The following BDNF variants were observed in gnomAD, a reference collection of about 807,000 sequenced individuals.
BDNF encodes brain derived neurotrophic factor, also known as neurotrophic factor BDNF precursor form.
Under a neutral mutation model 19.5 loss-of-function variants are expected in BDNF, and 1 was observed. That is an observed-to-expected ratio of 0.05 (90% confidence interval 0.02 to 0.24). BDNF has a LOEUF of 0.24. Ranked by LOEUF, BDNF falls within the 10% of genes least tolerant of loss-of-function variation. BDNF has a pLI of 1.00. For synonymous variants in BDNF, 100 were observed against 121.6 expected, an observed-to-expected ratio of 0.82 and a Z score of 1.17; for missense variants, 195 against 317.6, an observed-to-expected ratio of 0.61 and a Z score of 2.93.
At chr11:27,670,162 G>A (rs1212994500) in intron 1 of BDNF, among the ~76,000 whole-genome samples, 1 of 152,158 alleles carries the variant, frequency 6.6e-6, no homozygotes, top group Non-Finnish European at 1.5e-5. Flanking sequence ...ATGGGGAAAG[G>A]ATTCTCTATT....
rs1392493578 is a variant in BDNF at position 27,656,698 on chromosome 11, A to G, written c.*1123T>C. On this transcript the variant is annotated 3_prime_UTR_variant, in exon 2 of 2. Coordinates refer to ENST00000356660, the MANE Select transcript of BDNF (RefSeq NM_001709.5). Reference sequence around the variant, plus strand: ...GGGCTCTACCTTTTGCTTACAAGACATTGTTAAGCCTCACCATGAGTTTTT... The same window carrying G: ...GGGCTCTACCTTTTGCTTACAAGACGTTGTTAAGCCTCACCATGAGTTTTT... 7.1e-6 allele frequency: 7 copies of G among 985,332 alleles called. No individual in the cohort carries two copies. The highest frequency in any genetic ancestry group is 8.4e-6 in the Non-Finnish European group (7 of 829,906). The allele number at this position is 985,332 out of a possible 1,614,324, so 61.0% of individuals were successfully genotyped here.
intron 1 of BDNF, among the ~76,000 whole-genome samples, chr11:27,685,375 G>A (rs1273915029): frequency 6.6e-6 from 1 of 151,848 alleles, no homozygotes; most frequent in Non-Finnish European, 1.5e-5. Flanking sequence ...TTTTTTGAAG[G>A]GTTTTTTGTG....
At chr11:27,674,662 A>G (rs554000315) in intron 1 of BDNF, 1 of 985,460 alleles carries the variant, frequency 1.0e-6, no homozygotes, top group East Asian at 1.1e-4. Context: ...ATATGGAAAC[A>G]TTCAATTTGG....
chr11:27,710,372 A>G (rs1412155730), intron 1 of BDNF, among the ~76,000 whole-genome samples: 1 of 152,222 alleles, frequency 6.6e-6, no homozygotes, highest in Non-Finnish European at 1.5e-5. Context: ...CCAAGTAGAT[A>G]TGCTACTCCC....
chr11:27,713,931 T>C (rs1435773145), intron 1 of BDNF, among the ~76,000 whole-genome samples: 1 of 152,222 alleles, frequency 6.6e-6, no homozygotes, highest in African/African-American at 2.4e-5. Context: ...GACACTAGAC[T>C]TTAAAGATTT....
At position 27,657,246 on chromosome 11, in the gene BDNF, AC is replaced by A. The variant is rs1852690019; in HGVS notation, c.*574del. ...GGGAACTAAAAAACAAAACAAACAA[AC>A]GAAAAAAAAACACAAAACAAACAAA... On this transcript the variant is annotated 3_prime_UTR_variant, in exon 2 of 2. Transcript: ENST00000356660. This position sits in a 1 kb window ranked among gnomAD's most constrained non-coding sequence, Gnocchi z 5.0. The A allele has an allele frequency of 1.0e-6, 1 of 985,170 alleles. No homozygotes were observed. Among genetic ancestry groups the A allele is most frequent in the African/African-American group, 1.8e-5 (1 of 56,906 alleles). The allele number at this position is 985,170 out of a possible 1,614,324, so 61.0% of individuals were successfully genotyped here. A position where few individuals can be genotyped will look rare whatever the true frequency, so the allele number is the denominator to read the frequency against.
At chr11:27,695,124 A>C (rs1858836658) in intron 1 of BDNF, among the ~76,000 whole-genome samples, 1 of 152,168 alleles carries the variant, frequency 6.6e-6, no homozygotes, top group South Asian at 2.1e-4. Flanking sequence ...AATCCTAGTA[A>C]CTGTAGCGTT....
At chr11:27,720,951 C>G (rs1401372539) in intron 1 of BDNF, among the ~76,000 whole-genome samples, 1 of 146,392 alleles carries the variant, frequency 6.8e-6, no homozygotes, top group East Asian at 2.1e-4. Flanking sequence ...CCAACCCCAC[C>G]CCCCATCTAC....
upstream of BDNF, among the ~76,000 whole-genome samples, chr11:27,703,461 T>A (rs1040234438): frequency 6.6e-6 from 1 of 152,184 alleles, no homozygotes; most frequent in Non-Finnish European, 1.5e-5. Context: ...ACCTGGCAAG[T>A]TAATGCCAGG....
chr11:27,690,791 C>G (rs977960426), intron 1 of BDNF, among the ~76,000 whole-genome samples: 1 of 152,044 alleles, frequency 6.6e-6, no homozygotes, highest in African/African-American at 2.4e-5. Context: ...TAAATGGAAG[C>G]ATTCTCACAA....
chr11:27,659,220 G>A (rs1221411934), intron 1 of BDNF: 4 of 994,240 alleles, frequency 4.0e-6, no homozygotes, highest in African/African-American at 1.8e-5. Flanking sequence ...GAGCCATCCT[G>A]TTTTACAGGT....
At chr11:27,697,977 ATAACT>A (rs773168822) in intron 1 of BDNF, 4 of 152,144 alleles carry the variant, frequency 2.6e-5, no homozygotes, top group Admixed American at 6.5e-5. Flanking sequence ...ATGTTCTGTA[ATAACT>A]TAAAATAGTT....
chr11:27,718,179 T>C (rs1860589073), intron 1 of BDNF, among the ~76,000 whole-genome samples: 1 of 152,082 alleles, frequency 6.6e-6, no homozygotes, highest in Non-Finnish European at 1.5e-5. Flanking sequence ...TTCTTTCCCA[T>C]CCATCAAGCT....
chr11:27,661,259 T>A (rs1485456313), intron 1 of BDNF, among the ~76,000 whole-genome samples: 1 of 152,212 alleles, frequency 6.6e-6, no homozygotes, highest in African/African-American at 2.4e-5. Flanking sequence ...GGCCTTGAAG[T>A]TAAGTGGGTG....
At chr11:27,706,230 A>G (rs192341767) in intron 1 of BDNF, among the ~76,000 whole-genome samples, 8 of 152,316 alleles carry the variant, frequency 5.3e-5, no homozygotes, top group Non-Finnish European at 8.8e-5. Flanking sequence ...GAAATCAGAT[A>G]ATTTTTGTTT....
In BDNF at chr11:27,660,368, T is replaced by C. The variant is rs117314519; in HGVS notation, c.-21-1783A>G. 0.021 allele frequency: 8,992 copies of C among 436,854 alleles called. 131 individuals are homozygous for C. The highest frequency in any genetic ancestry group is 0.027 in the Non-Finnish European group (7,192 of 262,870). The allele number at this position is 436,854 out of a possible 1,614,324, so 27.1% of individuals were successfully genotyped here. A position where few individuals can be genotyped will look rare whatever the true frequency, so the allele number is the denominator to read the frequency against. ...CTTAGATTGCACAATGTTCTCAGAT[T>C]AGGAAGGGAAAATTGGTTTGAATAA... On this transcript the variant is annotated intron_variant, in intron 1 of 1. Coordinates refer to ENST00000356660, the MANE Select transcript of BDNF (RefSeq NM_001709.5).
intron 1 of BDNF, among the ~76,000 whole-genome samples, chr11:27,663,394 TAAAAAG>T (rs1853779802): frequency 6.6e-6 from 1 of 152,188 alleles, no homozygotes; most frequent in African/African-American, 2.4e-5. Flanking sequence ...TACATAGAAC[TAAAAAG>T]AAAATCAATG....
At chr11:27,683,552 G>A (rs1454714165) in intron 1 of BDNF, among the ~76,000 whole-genome samples, 1 of 152,166 alleles carries the variant, frequency 6.6e-6, no homozygotes, top group Non-Finnish European at 1.5e-5. Flanking sequence ...TTATGTTTAA[G>A]TCTTTAATCC....
At chr11:27,697,794 G>A (rs1372464559) in intron 1 of BDNF, 1 of 152,134 alleles carries the variant, frequency 6.6e-6, no homozygotes, top group Non-Finnish European at 1.5e-5. Flanking sequence ...TACTAACTCA[G>A]CTCTGAATGG....
Sources: gnomAD v4.1 joint callset for allele counts (sites outside exome capture counted in the v4.1 genomes callset) on GRCh38, gnomAD v4.1.1 for gene constraint, Gnocchi (gnomAD v3.1) non-coding constraint, MANE v1.5 for transcripts, NCBI Gene and HGNC (gene_info 2026-07-23, HGNC 2026-07-21) for gene names.